LCLAT1: variants seen among roughly 807,000 people sequenced by gnomAD.
LCLAT1 encodes the protein lysocardiolipin acyltransferase 1, also known as 1-AGP acyltransferase 8.
In LCLAT1, 11 loss-of-function variants were observed where a neutral mutation model predicts 30.7. The ratio of observed to expected loss-of-function variants is 0.36; its 90% CI spans 0.23 to 0.59. The LOEUF (loss-of-function observed/expected upper bound fraction) is 0.59. Ranked by LOEUF, LCLAT1 falls within the 20% of genes least tolerant of loss-of-function variation. The probability of loss-of-function intolerance (pLI) is 0.77; values close to 1 mark genes in which losing one functional copy is unlikely to be tolerated. For synonymous variants in LCLAT1, 155 were observed against 151.3 expected, an observed-to-expected ratio of 1.02 and a Z score of -0.18; for missense variants, 402 against 458.6, an observed-to-expected ratio of 0.88 and a Z score of 1.13.
At chr2:30,460,415 C>A (rs1236585633) in intron 1 of LCLAT1, among the ~76,000 whole-genome samples, 3 of 152,186 alleles carry the variant, frequency 2.0e-5, no homozygotes, top group Admixed American at 2.0e-4. Flanking sequence ...ACACCCTCCC[C>A]CTCAGCCTTT....
chr2:30,534,652 G>A (rs1686154565), intron 3 of LCLAT1, among the ~76,000 whole-genome samples: 1 of 152,120 alleles, frequency 6.6e-6, no homozygotes, highest in African/African-American at 2.4e-5. Context: ...AGTGATCTCA[G>A]ATTTCTTACA....
chr2:30,626,657 A>G (rs1668524695), intron 5 of LCLAT1, among the ~76,000 whole-genome samples: 1 of 151,920 alleles, frequency 6.6e-6, no homozygotes, highest in South Asian at 2.1e-4. Flanking sequence ...TTTTATCTTT[A>G]GTAATTTTCT....
At chr2:30,577,140 C>CATAT (rs3030195) in intron 5 of LCLAT1, among the ~76,000 whole-genome samples, 87,228 of 149,774 alleles carry the variant, frequency 0.58, 26,548 homozygotes, top group Non-Finnish European at 0.68. Flanking sequence ...TATATTTTGT[C>CATAT]ACATAGGCTC....
intron 5 of LCLAT1, among the ~76,000 whole-genome samples, chr2:30,627,359 C>T (rs1668561312): frequency 6.6e-6 from 1 of 152,186 alleles, no homozygotes; most frequent in Non-Finnish European, 1.5e-5. Context: ...ACTTAAGTTT[C>T]GATTTCCCAA....
At chr2:30,565,634 T>C (rs190347808) in intron 4 of LCLAT1, among the ~76,000 whole-genome samples, 100 of 152,346 alleles carry the variant, frequency 6.6e-4, no homozygotes, top group Admixed American at 2.0e-3. Flanking sequence ...ATAAAACTTA[T>C]TCTTTTTAAT....
chr2:30,566,606 A>G (rs1665494040), intron 4 of LCLAT1, among the ~76,000 whole-genome samples: 1 of 152,168 alleles, frequency 6.6e-6, no homozygotes, highest in Admixed American at 6.5e-5. Context: ...ATTTACTCCT[A>G]GTAAAGTTGT....
At chr2:30,566,399 A>G (rs1295051989) in intron 4 of LCLAT1, among the ~76,000 whole-genome samples, 1 of 152,152 alleles carries the variant, frequency 6.6e-6, no homozygotes, top group Non-Finnish European at 1.5e-5. Flanking sequence ...TTGTAGCCCC[A>G]TGCCCAGGAT....
At position 30,490,702 on chromosome 2, in the gene LCLAT1, TCTTA is replaced by T. The variant is rs575902036; in HGVS notation, c.-4-34881_-4-34878del. On this transcript the variant is annotated intron_variant, in intron 1 of 5. Coordinates refer to ENST00000379509, the MANE Select transcript of LCLAT1 (RefSeq NM_001002257.3). ...GAACTCATAAATTATAATACCAAAT[TCTTA>T]CTTGTTTTCAACAAATTTAATACAG... 2.2e-4 allele frequency among the ~76,000 whole-genome samples: 33 copies of T among 152,304 alleles called. No individual in the cohort carries two copies. The South Asian group carries it at 5.8e-3, about 27-fold the overall frequency.
intron 1 of LCLAT1, among the ~76,000 whole-genome samples, chr2:30,493,475 G>A (rs1286096301): frequency 2.6e-5 from 4 of 152,136 alleles, no homozygotes; most frequent in African/African-American, 4.8e-5. Flanking sequence ...AATGAAGTCC[G>A]GGAGGAATAT....
At chr2:30,591,337 A>C (rs1366603208) in intron 5 of LCLAT1, among the ~76,000 whole-genome samples, 2 of 152,166 alleles carry the variant, frequency 1.3e-5, no homozygotes, top group African/African-American at 2.4e-5. Flanking sequence ...CTCAGTACCG[A>C]GACCACCCTA....
At chr2:30,447,718 C>G (rs1014782077) in intron 1 of LCLAT1, among the ~76,000 whole-genome samples, 1 of 152,234 alleles carries the variant, frequency 6.6e-6, no homozygotes, top group Non-Finnish European at 1.5e-5. Context: ...CTAGGAGCGT[C>G]AAAACCTTCC....
chr2:30,591,184 A>T (rs1666679237), intron 5 of LCLAT1, among the ~76,000 whole-genome samples: 1 of 152,190 alleles, frequency 6.6e-6, no homozygotes, highest in Admixed American at 6.5e-5. Context: ...ACTAAGTGTT[A>T]TAGCTATTGA....
intron 4 of LCLAT1, among the ~76,000 whole-genome samples, chr2:30,565,223 G>A (rs1302380802): frequency 6.6e-6 from 1 of 152,190 alleles, no homozygotes; most frequent in Non-Finnish European, 1.5e-5. Flanking sequence ...TCCACGATCT[G>A]TAGGGTAGGG....
intron 1 of LCLAT1, among the ~76,000 whole-genome samples, chr2:30,505,083 C>A (rs2148348932): frequency 6.6e-6 from 1 of 152,266 alleles, no homozygotes; most frequent in East Asian, 1.9e-4. Context: ...GTTAATTTAG[C>A]TCTCTCCCCA....
chr2:30,617,423 A>C (rs1011872951), intron 5 of LCLAT1, among the ~76,000 whole-genome samples: 4 of 152,172 alleles, frequency 2.6e-5, no homozygotes, highest in African/African-American at 9.7e-5. Context: ...CAATTTCTTT[A>C]ACCATTCATG....
intron 1 of LCLAT1, among the ~76,000 whole-genome samples, chr2:30,479,538 T>TG (rs1683223753): frequency 6.6e-6 from 1 of 152,174 alleles, no homozygotes; most frequent in Non-Finnish European, 1.5e-5. Flanking sequence ...TGAGCCACCA[T>TG]GCCTGGCTGT....
At chr2:30,474,595 T>C (rs1682956204) in intron 1 of LCLAT1, among the ~76,000 whole-genome samples, 1 of 152,164 alleles carries the variant, frequency 6.6e-6, no homozygotes, top group Admixed American at 6.6e-5. Flanking sequence ...AAAATTGTGC[T>C]ATTACCTGGT....
intron 1 of LCLAT1, among the ~76,000 whole-genome samples, chr2:30,472,500 T>C (rs1450007094): frequency 6.6e-6 from 1 of 152,238 alleles, no homozygotes; most frequent in Non-Finnish European, 1.5e-5. Context: ...CTGTAATTAC[T>C]AATGTTGCAT....
intron 1 of LCLAT1, among the ~76,000 whole-genome samples, chr2:30,503,114 AG>A (rs1236053340): frequency 6.6e-6 from 1 of 152,222 alleles, no homozygotes; most frequent in Non-Finnish European, 1.5e-5. Context: ...TTGCCAAGGA[AG>A]GGGTTGGTAA....
Sources: gnomAD v4.1 joint callset for allele counts (sites outside exome capture counted in the v4.1 genomes callset) on GRCh38, gnomAD v4.1.1 for gene constraint, MANE v1.5 for transcripts, NCBI Gene and HGNC (gene_info 2026-07-23, HGNC 2026-07-21) for gene names.